The following KRT6B variants were observed in gnomAD, a reference collection of about 807,000 sequenced individuals.
KRT6B encodes the protein keratin 6B, also known as keratin, type II cytoskeletal 6B.
In KRT6B, 29 loss-of-function variants were observed where a neutral mutation model predicts 44.7. The observed-to-expected ratio is 0.65, with a 90% CI of 0.48 to 0.88. The LOEUF (loss-of-function observed/expected upper bound fraction) is 0.88. Ranked by LOEUF, KRT6B falls within the 40% of genes least tolerant of loss-of-function variation. The probability of loss-of-function intolerance (pLI) is 0.00; values close to 1 mark genes in which losing one functional copy is unlikely to be tolerated. For missense variants in KRT6B, 600 were observed against 724.0 expected, an observed-to-expected ratio of 0.83 and a Z score of 1.97; for synonymous variants, 213 against 296.0, an observed-to-expected ratio of 0.72 and a Z score of 2.88.
rs757970006 is a variant in KRT6B at position 52,449,482 on chromosome 12, C to T, written c.1064G>A (p.Trp355Ter). 1 of 1,614,038 alleles carries T rather than the reference C, an allele frequency of 6.2e-7. No homozygotes were observed. The highest frequency in any genetic ancestry group is 1.3e-5 in the African/African-American group (1 of 74,914). The change falls in exon 5 of 9, where the codon TGG becomes TAG. Residue 355 changes from tryptophan to a stop codon, truncating the protein, a stop_gained. Coordinates refer to ENST00000252252, the MANE Select transcript of KRT6B (RefSeq NM_005555.4). LOFTEE classifies it high-confidence loss of function. ...AQRSRAEAES[W>*]YQTKYEELQI... ...CTCCGTGCTCACCTTTGTCTGGTAC[C>T]AGGACTCAGCCTCAGCCCTGCTCCT...
chr12:52,447,973 G>A lies in KRT6B; in HGVS notation c.1229C>T (p.Ala410Val), dbSNP rs1940339983. 6.2e-7 allele frequency: 1 copy of A among 1,614,042 alleles called. No homozygotes were observed. The highest frequency in any genetic ancestry group is 1.7e-5 in the Admixed American group (1 of 60,002). Residue 410 changes from alanine (A) to valine (V), a missense_variant, in exon 7 of 9, where the codon GCT becomes GTT. Ala to Val is a moderately conservative substitution (Grantham distance 64, BLOSUM62 0). This residue lies in a region of KRT6B where 479 missense variants were observed against 454.2 expected (regional missense o/e 1.05). Transcript: ENST00000252252. ...KQCANLQAAI[A>V]DAEQRGEMAL... ...CATCTCCCCACGCTGCTCAGCATCA[G>A]CAATGGCGGCCTGTAGGTTGGCACA...
intron 7 of KRT6B, 70 bp from the exon 8 acceptor site, chr12:52,447,643 A>C: frequency 6.2e-7 from 1 of 1,613,964 alleles, no homozygotes; most frequent in Non-Finnish European, 8.5e-7. Flanking sequence ...TGGGTGGGAA[A>C]GTCCATGGGA....
intron 6 of KRT6B, 101 bp from the exon 7 acceptor site, chr12:52,448,099 A>C (rs1165472611): frequency 4.8e-6 from 7 of 1,454,442 alleles, no homozygotes; most frequent in Non-Finnish European, 6.7e-6. Context: ...AGGAACCCAG[A>C]ACTGATGGTA....
At chr12:52,448,084 G>T (rs1402605956) in intron 6 of KRT6B, 86 bp from the exon 7 acceptor site, 1 of 1,560,858 alleles carries the variant, frequency 6.4e-7, no homozygotes, top group Non-Finnish European at 8.8e-7. Context: ...AGTGAAGAAG[G>T]CACCAGGAAC....
Position 52,451,470 on chromosome 12 carries a change from G to T in KRT6B, c.540+69C>A, listed in dbSNP as rs547247537. On this transcript the variant is annotated intron_variant, in intron 1 of 8. Transcript: ENST00000252252. The stretch of plus-strand genomic sequence containing the variant: ...CTCCCTCCCTCCTAGGGTCTCTCCG[G>T]CAGGAAGGTGTTGCTCTTCTGGTCT... 78 of 1,613,060 alleles carry T rather than the reference G, an allele frequency of 4.8e-5. No individual in the cohort carries two copies. In the South Asian group the frequency reaches 7.6e-4, roughly 16 times the overall value.
chr12:52,449,267 T>C (rs1358693556), intron 5 of KRT6B, among the ~76,000 whole-genome samples: 1 of 152,232 alleles, frequency 6.6e-6, no homozygotes, highest in African/African-American at 2.4e-5. Context: ...TTGTCTATCG[T>C]AGCTTGCCTC....
Position 52,446,822 on chromosome 12 carries a change from T to TCATTAAAAA in KRT6B, c.*367_*368insTTTTTAATG. 1 of 321,440 alleles carries TCATTAAAAA rather than the reference T, an allele frequency of 3.1e-6. No homozygotes were observed. The highest frequency in any genetic ancestry group is 3.9e-5 in the South Asian group (1 of 25,516). The allele number at this position is 321,440 out of a possible 1,614,324, so 19.9% of individuals were successfully genotyped here. ...AGATGAGAACTCCTGAGTGTAGCTA[T>TCATTAAAAA]AATGGGCAGGATGGTTAGCAATTAA... On this transcript the variant is annotated 3_prime_UTR_variant, in exon 9 of 9. Coordinates refer to ENST00000252252, the MANE Select transcript of KRT6B (RefSeq NM_005555.4).
At chr12:52,450,971 G>T (rs1940395047) in intron 1 of KRT6B, among the ~76,000 whole-genome samples, 1 of 152,154 alleles carries the variant, frequency 6.6e-6, no homozygotes, top group Non-Finnish European at 1.5e-5. Flanking sequence ...GAGGATCTTA[G>T]TTAGGAGGGA....
chr12:52,448,476 C>T (rs189044963), intron 6 of KRT6B, among the ~76,000 whole-genome samples: 1 of 152,300 alleles, frequency 6.6e-6, no homozygotes, highest in Non-Finnish European at 1.5e-5. Context: ...TGCTTTTTCA[C>T]CGTGAACCTT....
chr12:52,451,117 G>A (rs1430288500), intron 1 of KRT6B, among the ~76,000 whole-genome samples: 1 of 151,208 alleles, frequency 6.6e-6, no homozygotes, highest in Non-Finnish European at 1.5e-5. Context: ...TTGTTTCTAT[G>A]TCCCTTTTTT....
intron 6 of KRT6B, 72 bp downstream of exon 6, chr12:52,448,770 T>A: frequency 6.2e-7 from 1 of 1,612,644 alleles, no homozygotes; most frequent in Non-Finnish European, 8.5e-7. Flanking sequence ...TTTTACTAAA[T>A]GATGGGTGAC....
In KRT6B at chr12:52,450,076, C is replaced by T. The variant is rs1377142063; in HGVS notation, c.756-4G>A. 1.9e-6 allele frequency: 3 copies of T among 1,613,846 alleles called. No individual in the cohort carries two copies. Among genetic ancestry groups the T allele is most frequent in the African/African-American group, 2.7e-5 (2 of 74,894 alleles). On this transcript the variant is annotated splice_region_variant and splice_polypyrimidine_tract_variant and intron_variant, in intron 2 of 8. Coordinates refer to ENST00000252252, the MANE Select transcript of KRT6B (RefSeq NM_005555.4). ...CTTGTTGATTTCATCCTCATATCTA[C>T]AGGAAGAAAGGCATGGGACACATTT...
chr12:52,450,286 C>T (rs1375915211), intron 2 of KRT6B, 120 bp downstream of exon 2: 4 of 1,454,628 alleles, frequency 2.7e-6, no homozygotes, highest in East Asian at 2.3e-5. Flanking sequence ...CAGGTTTGCT[C>T]CTAGGGACTA....
At position 52,447,265 on chromosome 12, in the gene KRT6B, G is replaced by C. The variant is rs1940324908; in HGVS notation, c.1620C>G (p.Ser540Arg). The change falls in exon 9 of 9, where the codon AGC becomes AGG. Residue 540 changes from serine to arginine, a missense_variant. This residue lies in a region of KRT6B where 479 missense variants were observed against 454.2 expected (regional missense o/e 1.05). Transcript: ENST00000252252. ...SSGRATGGGL[S>R]SVGGGSSTIK... is the part of the protein sequence containing the mutation. ...TGGTGGAACTGCCGCCTCCAACAGAGCTGAGGCCACCCCCAGTGGCTCTGC... is the reference window on the plus strand; with the variant it reads ...TGGTGGAACTGCCGCCTCCAACAGACCTGAGGCCACCCCCAGTGGCTCTGC... 3 of 1,614,028 alleles carry C rather than the reference G, an allele frequency of 1.9e-6. No homozygotes were observed. Among genetic ancestry groups the C allele is most frequent in the Non-Finnish European group, 2.5e-6 (3 of 1,179,898 alleles).
In KRT6B at chr12:52,450,534, G is replaced by A. The variant is rs1940386268; in HGVS notation, c.627C>T (p.Asn209=). The A allele has an allele frequency of 6.2e-7, 1 of 1,614,134 alleles. No homozygotes were observed. The highest frequency in any genetic ancestry group is 1.3e-5 in the African/African-American group (1 of 74,932). Residue 209 remains asparagine, a synonymous_variant, in exon 2 of 9, where the codon AAC becomes AAT. Coordinates refer to ENST00000252252, the MANE Select transcript of KRT6B (RefSeq NM_005555.4). ...QEQGTKTVRQ[N]LEPLFEQYIN... is the part of the protein sequence containing the mutation. Reference sequence around the variant, plus strand: ...TGTACTGCTCGAACAACGGCTCCAGGTTCTGCCTCACAGTCTTGGTGCCCT... The same window carrying A: ...TGTACTGCTCGAACAACGGCTCCAGATTCTGCCTCACAGTCTTGGTGCCCT...
chr12:52,449,337 A>G (rs909970070), intron 5 of KRT6B, 132 bp downstream of exon 5: 75 of 1,372,894 alleles, frequency 5.5e-5, no homozygotes, highest in Non-Finnish European at 7.3e-5. Flanking sequence ...GTCTACTCTA[A>G]TAGTGCAGAG....
In KRT6B at chr12:52,449,993, C is replaced by T. The variant is rs1158886616; in HGVS notation, c.816+19G>A. ...CTCTCCTTCTAAATGAATTTGAACCCCTGGCTTCATCTGCTCACCTTCTTC... is the reference window on the plus strand; with the variant it reads ...CTCTCCTTCTAAATGAATTTGAACCTCTGGCTTCATCTGCTCACCTTCTTC... On this transcript the variant is annotated intron_variant, in intron 3 of 8. Transcript: ENST00000252252. The T allele has an allele frequency of 6.2e-7, 1 of 1,613,858 alleles. No homozygotes were observed.
rs778196345 is a variant in KRT6B, at chr12:52,449,663, T to C, written c.913-30A>G. ...AGAACAGAAGGTCATAAGATCAACT[T>C]CACTTCTGACATTTACAGAGATGCC... On this transcript the variant is annotated intron_variant, in intron 4 of 8. Coordinates refer to ENST00000252252, the MANE Select transcript of KRT6B (RefSeq NM_005555.4). 3 of 1,614,174 alleles carry C rather than the reference T, an allele frequency of 1.9e-6. No individual in the cohort carries two copies. The Admixed American group carries it at 5.0e-5, about 27-fold the overall frequency.
Position 52,450,533 on chromosome 12 carries a change from G to A in KRT6B, c.628C>T (p.Leu210=), listed in dbSNP as rs1474910879. The change falls in exon 2 of 9, where the codon CTG becomes TTG. Residue 210 remains leucine (L), a synonymous_variant. Coordinates refer to ENST00000252252, the MANE Select transcript of KRT6B (RefSeq NM_005555.4). ...ATGTACTGCTCGAACAACGGCTCCA[G>A]GTTCTGCCTCACAGTCTTGGTGCCC... is the stretch of plus-strand genomic sequence containing the variant. ...EQGTKTVRQN[L]EPLFEQYINN... 3 of 1,614,234 alleles carry A rather than the reference G, an allele frequency of 1.9e-6. No homozygotes were observed. The highest frequency in any genetic ancestry group is 1.3e-5 in the African/African-American group (1 of 75,042).
Sources: gnomAD v4.1 joint callset for allele counts (sites outside exome capture counted in the v4.1 genomes callset) on GRCh38, gnomAD v4.1.1 for gene constraint, gnomAD v4.1.1 regional missense constraint, MANE v1.5 for transcripts, NCBI Gene and HGNC (gene_info 2026-07-23, HGNC 2026-07-21) for gene names.